The following APBB2 variants were observed in gnomAD, a reference collection of about 807,000 sequenced individuals.
APBB2 encodes the protein Fe65-like 1.
In APBB2, 38 loss-of-function variants were observed where a neutral mutation model predicts 82.5. The observed-to-expected ratio is 0.46, with a 90% CI of 0.36 to 0.60. APBB2 has a LOEUF of 0.60. APBB2 is among the 20% of genes least tolerant of loss of function. The pLI is 0.00. For synonymous variants in APBB2, 341 were observed against 368.2 expected (o/e 0.93, Z 0.85); for missense variants, 772 against 972.3 (o/e 0.79, Z 2.74).
At chr4:40,886,899 C>A (rs1410858729) in intron 12 of APBB2, among the ~76,000 whole-genome samples, 1 of 152,228 alleles carries the variant, frequency 6.6e-6, no homozygotes, top group East Asian at 1.9e-4. Flanking sequence ...GTGACATTTA[C>A]CTCACTGATC....
chr4:41,184,763 C>T (rs1304016929), intron 1 of APBB2, among the ~76,000 whole-genome samples: 1 of 152,208 alleles, frequency 6.6e-6, no homozygotes, highest in Non-Finnish European at 1.5e-5. Flanking sequence ...TGCAGCCTCA[C>T]CTGCCTGAGG....
At chr4:40,839,821 T>G (rs1031835000) in intron 12 of APBB2, among the ~76,000 whole-genome samples, 2 of 152,090 alleles carry the variant, frequency 1.3e-5, no homozygotes, top group African/African-American at 4.8e-5. Flanking sequence ...TGTGACACCA[T>G]GCCTGGCTAA....
chr4:41,006,411 C>T (rs577042766), intron 6 of APBB2, among the ~76,000 whole-genome samples: 1 of 152,284 alleles, frequency 6.6e-6, no homozygotes, highest in South Asian at 2.1e-4. Context: ...AAAATTAATG[C>T]AGCAGGGCAA....
intron 4 of APBB2, among the ~76,000 whole-genome samples, chr4:41,059,899 C>T (rs775840732): frequency 5.9e-5 from 9 of 151,714 alleles, no homozygotes; most frequent in East Asian, 1.9e-4. Context: ...AGCTGGTCTC[C>T]GCACCGGGAG....
At chr4:40,932,152 T>G (rs1018859551) in intron 10 of APBB2, among the ~76,000 whole-genome samples, 3 of 152,248 alleles carry the variant, frequency 2.0e-5, no homozygotes, top group Admixed American at 6.5e-5. Flanking sequence ...CTTGTCAATT[T>G]CACACCCTGG....
intron 6 of APBB2, among the ~76,000 whole-genome samples, chr4:40,946,447 A>C (rs141797520): frequency 1.5e-5 from 2 of 132,160 alleles, no homozygotes; most frequent in African/African-American, 5.2e-5. Context: ...AAACACTGCG[A>C]TGGCCAAATA....
intron 12 of APBB2, among the ~76,000 whole-genome samples, chr4:40,853,125 C>T (rs377249333): frequency 2.6e-5 from 4 of 152,134 alleles, no homozygotes; most frequent in African/African-American, 4.8e-5. Context: ...GTCAACTTGG[C>T]GAGTTCAACC....
At chr4:40,850,165 C>T (rs528844975) in intron 12 of APBB2, among the ~76,000 whole-genome samples, 11 of 152,268 alleles carry the variant, frequency 7.2e-5, no homozygotes, top group African/African-American at 2.2e-4. Flanking sequence ...TGTTAAGACA[C>T]GGAGTCTTAG....
chr4:41,015,051 G>A (rs1198145685), intron 5 of APBB2, among the ~76,000 whole-genome samples: 2 of 152,128 alleles, frequency 1.3e-5, no homozygotes, highest in African/African-American at 4.8e-5. Flanking sequence ...ACGTACACAC[G>A]CACACAAAAC....
intron 6 of APBB2, among the ~76,000 whole-genome samples, chr4:40,947,014 C>T (rs920963778): frequency 1.4e-4 from 22 of 152,294 alleles, no homozygotes; most frequent in African/African-American, 5.3e-4. Flanking sequence ...GGAATTTCCC[C>T]CTGTCCCCAC....
chr4:40,865,115 C>T (rs1240613373), intron 12 of APBB2, among the ~76,000 whole-genome samples: 2 of 152,100 alleles, frequency 1.3e-5, no homozygotes, highest in Admixed American at 6.5e-5. Context: ...ACTTTGGTCT[C>T]CCAAAGTGCT....
Position 41,013,867 on chromosome 4 carries a change from C to T in APBB2, c.551G>A (p.Gly184Glu), listed in dbSNP as rs201866389. The change falls in exon 6 of 18, where the codon GGG becomes GAG. Residue 184 changes from glycine (G) to glutamate (E), a missense_variant. Gly to Glu is a moderately conservative substitution (Grantham distance 98). Coordinates refer to ENST00000508593, the MANE Select transcript of APBB2 (RefSeq NM_004307.2). The part of the protein sequence containing the change: ...ELEQNRGNHH[G>E]TAEEKSQPVQ... ...TGGCTGGGATTTCTCTTCCGCAGTC[C>T]CATGGTGATTGCCTCGGTTCTGCTC... is the stretch of plus-strand genomic sequence containing the variant. The T allele has an allele frequency of 2.4e-4, 392 of 1,613,976 alleles. 1 individual carries two copies. The highest frequency in any genetic ancestry group is 1.6e-3 in the Middle Eastern group (10 of 6,084).
chr4:41,185,294 T>C (rs1216068955), intron 1 of APBB2, among the ~76,000 whole-genome samples: 3 of 152,196 alleles, frequency 2.0e-5, no homozygotes, highest in African/African-American at 7.2e-5. Flanking sequence ...AAATGCACAT[T>C]GCTATTGATT....
At chr4:41,205,593 C>T (rs899266813) in intron 1 of APBB2, among the ~76,000 whole-genome samples, 7 of 152,156 alleles carry the variant, frequency 4.6e-5, no homozygotes, top group African/African-American at 9.7e-5. Flanking sequence ...AACACAAAAA[C>T]TATGGCCATT....
chr4:40,978,229 C>G (rs1434511459), intron 6 of APBB2, among the ~76,000 whole-genome samples: 1 of 152,234 alleles, frequency 6.6e-6, no homozygotes, highest in Non-Finnish European at 1.5e-5. Context: ...ACATATTCTT[C>G]TAGTCACACA....
chr4:41,002,262 C>T (rs1214798886), intron 6 of APBB2, among the ~76,000 whole-genome samples: 1 of 152,196 alleles, frequency 6.6e-6, no homozygotes, highest in Non-Finnish European at 1.5e-5. Flanking sequence ...CTAATGTTTT[C>T]CCTCTTCTTA....
intron 8 of APBB2, 124 bp downstream of exon 8, chr4:40,934,953 G>T (rs556583294): frequency 2.3e-6 from 2 of 855,944 alleles, no homozygotes; most frequent in Non-Finnish European, 3.6e-6. Flanking sequence ...AATGCCCCTA[G>T]CAAGAAGCCC....
rs1780168036 is a variant in APBB2, at chr4:41,214,464, C to A, written c.-476G>T. 1 of 152,490 alleles carries A rather than the reference C, an allele frequency of 6.6e-6. No homozygotes were observed. The highest frequency in any genetic ancestry group is 6.5e-5 in the Admixed American group (1 of 15,294). 9.4% of individuals were successfully genotyped at this position (152,490 alleles called of 1,614,324 possible). A position where few individuals can be genotyped will look rare whatever the true frequency, so the allele number is the denominator to read the frequency against. On this transcript the variant is annotated 5_prime_UTR_variant, in exon 1 of 18. Transcript: ENST00000508593. Reference sequence around the variant, plus strand: ...GCCCAGCGGCTCTGCTCCAGTCTCGCCCTTCCCGGAGCGCCCAGATCAGAT... The same window carrying A: ...GCCCAGCGGCTCTGCTCCAGTCTCGACCTTCCCGGAGCGCCCAGATCAGAT...
chr4:41,005,414 T>C (rs1249758179), intron 6 of APBB2, among the ~76,000 whole-genome samples: 1 of 152,110 alleles, frequency 6.6e-6, no homozygotes, highest in Non-Finnish European at 1.5e-5. Flanking sequence ...TTTTGTTTGC[T>C]TGTTTTTGTT....
Sources: gnomAD v4.1 joint callset for allele counts (sites outside exome capture counted in the v4.1 genomes callset) on GRCh38, gnomAD v4.1.1 for gene constraint, MANE v1.5 for transcripts, NCBI Gene and HGNC (gene_info 2026-07-23, HGNC 2026-07-21) for gene names.